The following NPSR1 variants were observed in gnomAD, a reference collection of about 807,000 sequenced individuals.
NPSR1 encodes the protein neuropeptide S receptor 1, also known as neuropeptide S receptor.
A neutral mutation model predicts 46.9 loss-of-function variants in NPSR1; 48 were observed. The ratio of observed to expected loss-of-function variants is 1.02; its 90% CI spans 0.81 to 1.30. The LOEUF (loss-of-function observed/expected upper bound fraction) is 1.30, where lower values mean the gene tolerates loss of function less well. Ranked by LOEUF, NPSR1 falls within the 50% of genes most tolerant of loss-of-function variation. NPSR1 has a pLI of 0.00. For missense variants in NPSR1, 450 were observed against 449.5 expected, an observed-to-expected ratio of 1.00 and a Z score of -0.01; for synonymous variants, 176 against 168.1, an observed-to-expected ratio of 1.05 and a Z score of -0.36.
chr7:34,748,875 T>TTC (rs1554320563), intron 2 of NPSR1, among the ~76,000 whole-genome samples: 2 of 151,872 alleles, frequency 1.3e-5, no homozygotes, highest in East Asian at 1.9e-4. Context: ...GCATTCATCT[T>TTC]CCCCCCAGTA....
chr7:34,665,973 A>G (rs923022110), intron 1 of NPSR1, among the ~76,000 whole-genome samples: 5 of 152,228 alleles, frequency 3.3e-5, no homozygotes, highest in Admixed American at 3.3e-4. Context: ...AAAGGTCAGT[A>G]AATATTTTGT....
intron 2 of NPSR1, among the ~76,000 whole-genome samples, chr7:34,700,976 G>T (rs1329972322): frequency 1.3e-5 from 2 of 152,190 alleles, no homozygotes; most frequent in African/African-American, 4.8e-5. Flanking sequence ...ACTAAAGAGT[G>T]AAAGTTCTCC....
chr7:34,796,211 A>G (rs900286035), intron 3 of NPSR1, among the ~76,000 whole-genome samples: 18 of 152,164 alleles, frequency 1.2e-4, no homozygotes, highest in African/African-American at 4.3e-4. Flanking sequence ...ATAAATCTAA[A>G]CACAGATCTT....
intron 2 of NPSR1, among the ~76,000 whole-genome samples, chr7:34,715,617 C>T (rs1783523563): frequency 6.6e-6 from 1 of 152,206 alleles, no homozygotes; most frequent in Non-Finnish European, 1.5e-5. Flanking sequence ...ATGGTTGTCC[C>T]TCTGCTTTGA....
intron 2 of NPSR1, among the ~76,000 whole-genome samples, chr7:34,688,068 T>C (rs994199281): frequency 1.3e-5 from 2 of 152,134 alleles, no homozygotes; most frequent in African/African-American, 4.8e-5. Context: ...TTGGTACTGC[T>C]GAAAAGATAC....
intron 3 of NPSR1, among the ~76,000 whole-genome samples, chr7:34,787,012 A>G (rs536699355): frequency 6.6e-6 from 1 of 152,068 alleles, no homozygotes; most frequent in African/African-American, 2.4e-5. Flanking sequence ...GTTAAAAAGA[A>G]TATCATGATG....
intron 8 of NPSR1, among the ~76,000 whole-genome samples, chr7:34,875,738 C>T (rs770295385): frequency 7.2e-5 from 11 of 152,130 alleles, no homozygotes; most frequent in Non-Finnish European, 1.3e-4. Context: ...AGGCGGGGCT[C>T]CTATCTGCAT....
At chr7:34,869,367 T>G (rs773436909) in intron 8 of NPSR1, among the ~76,000 whole-genome samples, 5 of 151,828 alleles carry the variant, frequency 3.3e-5, no homozygotes, top group Non-Finnish European at 7.3e-5. Context: ...AATGCAAATT[T>G]GATGACATCA....
intron 2 of NPSR1, among the ~76,000 whole-genome samples, chr7:34,775,854 A>G (rs1049082489): frequency 5.9e-5 from 9 of 151,920 alleles, no homozygotes; most frequent in Admixed American, 2.6e-4. Flanking sequence ...TTCTTTTTCA[A>G]TGAAGGTACT....
intron 3 of NPSR1, among the ~76,000 whole-genome samples, chr7:34,804,120 A>G (rs541487261): frequency 6.6e-6 from 1 of 152,264 alleles, no homozygotes; most frequent in East Asian, 1.9e-4. Flanking sequence ...AAAACAGATG[A>G]AAAGGGAACC....
intron 3 of NPSR1, among the ~76,000 whole-genome samples, chr7:34,781,819 C>A (rs1225220291): frequency 2.6e-5 from 4 of 152,168 alleles, no homozygotes; most frequent in African/African-American, 9.7e-5. Flanking sequence ...TTTAACATCA[C>A]AGCCAGCACC....
intron 8 of NPSR1, among the ~76,000 whole-genome samples, chr7:34,872,561 AC>A (rs2128770522): frequency 6.6e-6 from 1 of 151,944 alleles, no homozygotes; most frequent in South Asian, 2.1e-4. Context: ...ATAGAGACAT[AC>A]CCAAGACTGG....
At chr7:34,795,359 G>A (rs1164800095) in intron 3 of NPSR1, among the ~76,000 whole-genome samples, 1 of 152,104 alleles carries the variant, frequency 6.6e-6, no homozygotes, top group Non-Finnish European at 1.5e-5. Flanking sequence ...AGATTAGGAA[G>A]AAAACAAGGA....
Position 34,849,970 on chromosome 7 carries a change from T to C in NPSR1, c.*315T>C. 1.8e-6 allele frequency: 2 copies of C among 1,090,252 alleles called. No individual in the cohort carries two copies. The highest frequency in any genetic ancestry group is 4.7e-5 in the Admixed American group (1 of 21,248). The allele number at this position is 1,090,252 out of a possible 1,614,324, so 67.5% of individuals were successfully genotyped here. On this transcript the variant is annotated 3_prime_UTR_variant, in exon 9 of 9. Transcript: ENST00000360581. The stretch of plus-strand genomic sequence containing the variant: ...GTCCAGGGTCCTGGCTTGGAGCCAG[T>C]GAGTAGACAGGCAAGCAGAGGGGAC...
intron 2 of NPSR1, among the ~76,000 whole-genome samples, chr7:34,739,417 T>A (rs965450942): frequency 6.6e-6 from 1 of 152,260 alleles, no homozygotes; most frequent in Non-Finnish European, 1.5e-5. Context: ...TTTCCTTTTT[T>A]AAATTATAAT....
intron 2 of NPSR1, among the ~76,000 whole-genome samples, chr7:34,720,277 G>GAAA (rs35040022): frequency 1.4e-5 from 2 of 139,520 alleles, no homozygotes; most frequent in African/African-American, 2.7e-5. Flanking sequence ...AAGATTCCGA[G>GAAA]AAAAAAAAAA....
At chr7:34,706,552 A>G (rs1372162344) in intron 2 of NPSR1, among the ~76,000 whole-genome samples, 1 of 152,166 alleles carries the variant, frequency 6.6e-6, no homozygotes, top group South Asian at 2.1e-4. Flanking sequence ...TTGTCTATGA[A>G]AAGTTTTAAA....
At chr7:34,737,824 T>C (rs1480672026) in intron 2 of NPSR1, among the ~76,000 whole-genome samples, 1 of 152,176 alleles carries the variant, frequency 6.6e-6, no homozygotes, top group East Asian at 1.9e-4. Context: ...GACATCATCA[T>C]GTCTTGGGGC....
rs918441344 is a variant in NPSR1, at chr7:34,803,581, G to C, written c.385-8189G>C. Among the ~76,000 whole-genome samples the C allele has an allele frequency of 9.9e-5, 15 of 152,042 alleles. No homozygotes were observed. The South Asian group carries it at 1.0e-3, about 11-fold the overall frequency. ...GGGGACTGTTGTGGGGTGGGAGGAGGGGGGAGGGATAGCATTAGGAGATAT... is the reference window on the plus strand; with the variant it reads ...GGGGACTGTTGTGGGGTGGGAGGAGCGGGGAGGGATAGCATTAGGAGATAT... On this transcript the variant is annotated intron_variant, in intron 3 of 8. Coordinates refer to ENST00000360581, the MANE Select transcript of NPSR1 (RefSeq NM_207172.2).
Sources: gnomAD v4.1 joint callset for allele counts (sites outside exome capture counted in the v4.1 genomes callset) on GRCh38, gnomAD v4.1.1 for gene constraint, MANE v1.5 for transcripts, NCBI Gene and HGNC (gene_info 2026-07-23, HGNC 2026-07-21) for gene names.